The following MAGI3 variants were observed in gnomAD, a reference collection of about 807,000 sequenced individuals.
The protein encoded by MAGI3 is membrane associated guanylate kinase, WW and PDZ domain containing 3.
In MAGI3, 43 loss-of-function variants were observed where a neutral mutation model predicts 121.8. The ratio of observed to expected loss-of-function variants is 0.35; its 90% CI spans 0.28 to 0.46. MAGI3 has a LOEUF of 0.46. Ranked by LOEUF, MAGI3 falls within the 20% of genes least tolerant of loss-of-function variation. The probability of loss-of-function intolerance (pLI) is 1.00; values close to 1 mark genes in which losing one functional copy is unlikely to be tolerated. For missense variants in MAGI3, 1,547 were observed against 1,797.3 expected (o/e 0.86, Z 2.52); for synonymous variants, 553 against 639.3 (o/e 0.86, Z 2.04).
intron 6 of MAGI3, among the ~76,000 whole-genome samples, chr1:113,603,021 G>A (rs182749171): frequency 7.3e-4 from 111 of 151,788 alleles, no homozygotes; most frequent in African/African-American, 2.5e-3. Context: ...CAAAAAGCTG[G>A]TTATTTGAAA....
At chr1:113,508,424 C>G (rs552884793) in intron 1 of MAGI3, among the ~76,000 whole-genome samples, 3 of 152,266 alleles carry the variant, frequency 2.0e-5, no homozygotes, top group South Asian at 2.1e-4. Flanking sequence ...CATTTTTCCA[C>G]TGTTTTCCTC....
intron 1 of MAGI3, among the ~76,000 whole-genome samples, chr1:113,543,192 A>G (rs955658899): frequency 2.6e-5 from 4 of 152,158 alleles, no homozygotes; most frequent in African/African-American, 2.4e-5. Context: ...GTTATACCCA[A>G]TGGTGCCAGA....
At chr1:113,505,856 T>C (rs1296341561) in intron 1 of MAGI3, among the ~76,000 whole-genome samples, 1 of 152,052 alleles carries the variant, frequency 6.6e-6, no homozygotes, top group Non-Finnish European at 1.5e-5. Flanking sequence ...ACATAGAGTG[T>C]GAAAAGATGA....
intron 1 of MAGI3, among the ~76,000 whole-genome samples, chr1:113,457,272 C>T (rs1048987553): frequency 2.0e-5 from 3 of 152,056 alleles, no homozygotes; most frequent in African/African-American, 7.2e-5. Context: ...TTTTCATTTG[C>T]TTGATATCTG....
chr1:113,622,780 C>G (rs768325977), intron 8 of MAGI3, 26 bp from the exon 9 acceptor site: 3 of 1,543,370 alleles, frequency 1.9e-6, no homozygotes, highest in African/African-American at 2.9e-5. Context: ...TTTTTGTTCT[C>G]AAACCCACTT....
intron 1 of MAGI3, among the ~76,000 whole-genome samples, chr1:113,488,646 T>A (rs1377123985): frequency 6.6e-6 from 1 of 152,074 alleles, no homozygotes; most frequent in Non-Finnish European, 1.5e-5. Flanking sequence ...TGTGGGTGAG[T>A]TTTGCTTTCC....
intron 6 of MAGI3, among the ~76,000 whole-genome samples, chr1:113,607,475 A>G (rs1470988963): frequency 6.6e-6 from 1 of 152,202 alleles, no homozygotes. Flanking sequence ...TTCTACAAAA[A>G]CACTACTGAT....
chr1:113,477,118 A>C (rs1655867981), intron 1 of MAGI3, among the ~76,000 whole-genome samples: 1 of 150,918 alleles, frequency 6.6e-6, no homozygotes, highest in Non-Finnish European at 1.5e-5. Context: ...GCCCGTGTGC[A>C]TCTTTGCACA....
At chr1:113,599,731 A>G (rs2101749606) in intron 6 of MAGI3, among the ~76,000 whole-genome samples, 1 of 151,852 alleles carries the variant, frequency 6.6e-6, no homozygotes, top group African/African-American at 2.4e-5. Flanking sequence ...TGAGGCCAGC[A>G]TCATCCTGAT....
intron 1 of MAGI3, among the ~76,000 whole-genome samples, chr1:113,485,663 TTTGA>T (rs1359292378): frequency 2.6e-5 from 4 of 152,216 alleles, no homozygotes; most frequent in African/African-American, 9.6e-5. Flanking sequence ...AGCTTTATAG[TTTGA>T]TTAAGTTTCA....
rs1301006000 is a variant in MAGI3 at position 113,684,044 on chromosome 1, T to C, written c.*30T>C. On this transcript the variant is annotated 3_prime_UTR_variant, in exon 21 of 21. Coordinates refer to ENST00000307546, the MANE Select transcript of MAGI3 (RefSeq NM_001142782.2). The stretch of plus-strand genomic sequence containing the variant: ...TAGTATAAAACAAAGAAAAACAAGT[T>C]GTAATCTTTTCTTACAGCAGCATTT... The C allele has an allele frequency of 6.7e-7, 1 of 1,487,096 alleles. No homozygotes were observed. The highest frequency in any genetic ancestry group is 1.8e-4 in the Middle Eastern group (1 of 5,610). 92.1% of individuals were successfully genotyped at this position (1,487,096 alleles called of 1,614,324 possible). A position where few individuals can be genotyped will look rare whatever the true frequency, so the allele number is the denominator to read the frequency against.
intron 1 of MAGI3, among the ~76,000 whole-genome samples, chr1:113,527,047 A>AT (rs1658487419): frequency 6.6e-6 from 1 of 152,196 alleles, no homozygotes; most frequent in African/African-American, 2.4e-5. Context: ...GAATTAATAT[A>AT]TGTACAGAAT....
intron 4 of MAGI3, among the ~76,000 whole-genome samples, chr1:113,587,474 G>A (rs999368269): frequency 1.1e-4 from 16 of 152,196 alleles, no homozygotes; most frequent in Non-Finnish European, 1.9e-4. Flanking sequence ...GGGATTACAG[G>A]CGTGAGCCAC....
intron 5 of MAGI3, among the ~76,000 whole-genome samples, chr1:113,592,023 G>C (rs1253119506): frequency 6.6e-6 from 1 of 151,944 alleles, no homozygotes; most frequent in African/African-American, 2.4e-5. Context: ...ATTTGCCAAG[G>C]GCTTTTTAGA....
chr1:113,627,785 CTT>C (rs1256522895), intron 9 of MAGI3, among the ~76,000 whole-genome samples: 1 of 151,670 alleles, frequency 6.6e-6, no homozygotes, highest in Non-Finnish European at 1.5e-5. Flanking sequence ...CTTTTTGTCT[CTT>C]CTTGCAGTTT....
intron 2 of MAGI3, among the ~76,000 whole-genome samples, chr1:113,555,563 T>G (rs1239234310): frequency 6.6e-6 from 1 of 152,172 alleles, no homozygotes; most frequent in Non-Finnish European, 1.5e-5. Context: ...GACCATATTC[T>G]GCACCACAAA....
chr1:113,393,180 C>T (rs1199242571), intron 1 of MAGI3, among the ~76,000 whole-genome samples: 1 of 152,118 alleles, frequency 6.6e-6, no homozygotes, highest in East Asian at 1.9e-4. Context: ...AGATTTAGAG[C>T]ATTAGTAATA....
chr1:113,482,253 G>C (rs945992367), intron 1 of MAGI3, among the ~76,000 whole-genome samples: 1 of 151,854 alleles, frequency 6.6e-6, no homozygotes, highest in African/African-American at 2.4e-5. Context: ...AACTTTTGAG[G>C]GTCTTAGTTT....
chr1:113,643,710 T>C, intron 10 of MAGI3, 33 bp from the exon 11 acceptor site: 1 of 1,609,836 alleles, frequency 6.2e-7, no homozygotes, highest in South Asian at 1.1e-5. Flanking sequence ...ATGCATCCTC[T>C]GGTTTTAAAC....
Sources: gnomAD v4.1 joint callset for allele counts (sites outside exome capture counted in the v4.1 genomes callset) on GRCh38, gnomAD v4.1.1 for gene constraint, MANE v1.5 for transcripts, NCBI Gene and HGNC (gene_info 2026-07-23, HGNC 2026-07-21) for gene names.